SPIRE1: variants seen among roughly 807,000 people sequenced by gnomAD.
SPIRE1 encodes protein spire homolog 1.
In SPIRE1, 40 loss-of-function variants were observed where a neutral mutation model predicts 94.1. The ratio of observed to expected loss-of-function variants is 0.43; its 90% CI spans 0.33 to 0.55. The LOEUF (loss-of-function observed/expected upper bound fraction) is 0.55, where lower values mean the gene tolerates loss of function less well. Among genes scored for constraint, SPIRE1 ranks in the 20% least tolerant of loss-of-function variants. SPIRE1 has a pLI of 0.06. For missense variants in SPIRE1, 838 were observed against 975.2 expected (o/e 0.86, Z 1.87); for synonymous variants, 376 against 371.7 (o/e 1.01, Z -0.13).
chr18:12,597,847 A>C (rs1598511740), intron 2 of SPIRE1, among the ~76,000 whole-genome samples: 1 of 152,310 alleles, frequency 6.6e-6, no homozygotes, highest in South Asian at 2.1e-4. Flanking sequence ...AGATGCCCAC[A>C]TGACTGCATA....
chr18:12,471,103 T>TA (rs138606031), intron 10 of SPIRE1, among the ~76,000 whole-genome samples: 26,922 of 96,796 alleles, frequency 0.28, 3,648 homozygotes, highest in African/African-American at 0.45. Context: ...CATCTTTCAG[T>TA]AAAAAAAAAA....
intron 10 of SPIRE1, among the ~76,000 whole-genome samples, chr18:12,478,132 G>T (rs2032677639): frequency 6.6e-6 from 1 of 151,948 alleles, no homozygotes; most frequent in African/African-American, 2.4e-5. Context: ...GTATTGCTTG[G>T]AATGGAGTGG....
At chr18:12,465,710 A>C (rs1282219075) in intron 10 of SPIRE1, among the ~76,000 whole-genome samples, 3 of 152,208 alleles carry the variant, frequency 2.0e-5, no homozygotes, top group African/African-American at 7.2e-5. Context: ...CAAACCCATC[A>C]CTTAGTAAGT....
chr18:12,661,404 A>C, upstream of SPIRE1: 1 of 972,166 alleles, frequency 1.0e-6, no homozygotes, highest in South Asian at 4.8e-5. Context: ...CCAGCCATTG[A>C]TATCTTCTCA....
chr18:12,475,246 C>T (rs775005941), intron 10 of SPIRE1, among the ~76,000 whole-genome samples: 2 of 152,204 alleles, frequency 1.3e-5, no homozygotes, highest in Non-Finnish European at 2.9e-5. Flanking sequence ...CACGTGGCTT[C>T]TCCAGCCTTT....
intron 2 of SPIRE1, among the ~76,000 whole-genome samples, chr18:12,556,596 G>C (rs542118548): frequency 1.3e-5 from 2 of 152,170 alleles, no homozygotes; most frequent in African/African-American, 4.8e-5. Context: ...GGTCTTGCTG[G>C]CTTCAGGAGT....
In SPIRE1 at chr18:12,628,542, G is replaced by T. The variant is rs2037693896; in HGVS notation, c.372+6520C>A. On this transcript the variant is annotated intron_variant, in intron 2 of 16. Transcript: ENST00000409402. ...GTCTTGGGAATGCGGGCTCTTTTTT[G>T]GTTCTATATGAACTTTAAAGTAGTT... Among the ~76,000 whole-genome samples, 3 of 152,044 alleles carry T rather than the reference G, an allele frequency of 2.0e-5. No individual in the cohort carries two copies. The South Asian group carries it at 6.2e-4, about 32-fold the overall frequency.
chr18:12,637,110 A>G (rs1442523342), intron 1 of SPIRE1, among the ~76,000 whole-genome samples: 1 of 152,234 alleles, frequency 6.6e-6, no homozygotes, highest in East Asian at 1.9e-4. Context: ...CTGTAATCCC[A>G]GCACTTTGGG....
In SPIRE1 at chr18:12,650,709, A is replaced by G. The variant is rs1478532961; in HGVS notation, c.337+6821T>C. Among the ~76,000 whole-genome samples, 3 of 58,928 alleles carry G rather than the reference A, an allele frequency of 5.1e-5. 1 individual carries two copies. The South Asian group carries it at 1.1e-3, about 21-fold the overall frequency. 38.7% of individuals were successfully genotyped at this position (58,928 alleles called of 152,430 possible). ...TGGTGACAGAGCAAGACTCCATCTC[A>G]GGAAAAAAAAAAAAAAAAAATTACC... is the stretch of plus-strand genomic sequence containing the variant. On this transcript the variant is annotated intron_variant, in intron 1 of 16. Coordinates refer to ENST00000409402, the MANE Select transcript of SPIRE1 (RefSeq NM_001128626.2).
In SPIRE1 at chr18:12,657,861, A is replaced by C; in HGVS notation, c.6T>G (p.Ala2=). The change falls in exon 1 of 17, where the codon GCT becomes GCG. Residue 2 remains alanine (A), a synonymous_variant. Transcript: ENST00000409402. ...CGCCGCCCGCCGGGCCAGCCGCCTG[A>C]GCCATCCCGCGGGTGGGCGCTGCGC... M[A]QAAGPAGGGE... The C allele has an allele frequency of 9.2e-7, 1 of 1,081,804 alleles. No homozygotes were observed. Among genetic ancestry groups the C allele is most frequent in the Non-Finnish European group, 1.1e-6 (1 of 895,780 alleles). 67.0% of individuals were successfully genotyped at this position (1,081,804 alleles called of 1,614,324 possible).
At chr18:12,524,138 TTCTC>T (rs1239082275) in intron 4 of SPIRE1, among the ~76,000 whole-genome samples, 12 of 152,336 alleles carry the variant, frequency 7.9e-5, no homozygotes, top group Admixed American at 6.5e-4. Flanking sequence ...TTAACAAAGT[TTCTC>T]TATATGTATT....
intron 16 of SPIRE1, among the ~76,000 whole-genome samples, chr18:12,451,800 A>G (rs1265302246): frequency 6.6e-6 from 1 of 152,200 alleles, no homozygotes; most frequent in African/African-American, 2.4e-5. Flanking sequence ...TTTCTTTTAA[A>G]TTATTAGCTC....
chr18:12,637,048 G>A (rs2037948897), intron 1 of SPIRE1, among the ~76,000 whole-genome samples: 1 of 152,188 alleles, frequency 6.6e-6, no homozygotes, highest in African/African-American at 2.4e-5. Flanking sequence ...AACTGTAACA[G>A]AGAGTAGCCT....
chr18:12,643,916 CTG>C (rs1376399296), intron 1 of SPIRE1, among the ~76,000 whole-genome samples: 1 of 151,344 alleles, frequency 6.6e-6, no homozygotes, highest in African/African-American at 2.4e-5. Flanking sequence ...AAGCTGAGCA[CTG>C]TGACTCACAT....
chr18:12,501,591 C>T (rs1478647034), intron 6 of SPIRE1, among the ~76,000 whole-genome samples: 3 of 152,148 alleles, frequency 2.0e-5, no homozygotes, highest in Non-Finnish European at 4.4e-5. Context: ...ACCATGGTGG[C>T]CAGGATGGTC....
chr18:12,457,881 T>G (rs1190631884), intron 12 of SPIRE1, among the ~76,000 whole-genome samples: 2 of 150,574 alleles, frequency 1.3e-5, no homozygotes, highest in Non-Finnish European at 3.0e-5. Context: ...GTCTCGCTCT[T>G]TCGCCCAGGC....
chr18:12,596,655 C>T (rs902930180), intron 2 of SPIRE1, among the ~76,000 whole-genome samples: 1 of 152,030 alleles, frequency 6.6e-6, no homozygotes, highest in Non-Finnish European at 1.5e-5. Context: ...ATGATTATGG[C>T]ATTGGATCTA....
At chr18:12,614,811 TC>T (rs1466297086) in intron 2 of SPIRE1, among the ~76,000 whole-genome samples, 1 of 151,930 alleles carries the variant, frequency 6.6e-6, no homozygotes, top group African/African-American at 2.4e-5. Flanking sequence ...AGAGCAAGAC[TC>T]TGTCTTAGAA....
chr18:12,497,065 C>T (rs531478862), intron 6 of SPIRE1, among the ~76,000 whole-genome samples: 5 of 151,836 alleles, frequency 3.3e-5, no homozygotes, highest in African/African-American at 7.2e-5. Flanking sequence ...AAGACTCTGT[C>T]GCAAAACAAC....
Sources: allele counts gnomAD v4.1 joint callset (sites outside exome capture counted in the v4.1 genomes callset), GRCh38; gene constraint gnomAD v4.1.1; transcripts MANE v1.5; gene names NCBI Gene and HGNC (gene_info 2026-07-23, HGNC 2026-07-21).